DYNC2I2: variants seen among roughly 807,000 people sequenced by gnomAD.
DYNC2I2 encodes cytoplasmic dynein 2 intermediate chain 2.
In DYNC2I2, 39 loss-of-function variants were observed where a neutral mutation model predicts 52.0. The ratio of observed to expected loss-of-function variants is 0.75; its 90% confidence interval spans 0.58 to 0.98. The LOEUF (loss-of-function observed/expected upper bound fraction) is 0.98. Ranked by LOEUF, DYNC2I2 falls within the 50% of genes least tolerant of loss-of-function variation. The probability of loss-of-function intolerance (pLI) is 0.00; values close to 1 mark genes in which losing one functional copy is unlikely to be tolerated. For synonymous variants in DYNC2I2, 359 were observed against 321.1 expected (o/e 1.12, Z -1.26); for missense variants, 743 against 728.4 (o/e 1.02, Z -0.23).
chr9:128,646,213 T>G (rs927209269), intron 1 of DYNC2I2, among the ~76,000 whole-genome samples: 1 of 152,160 alleles, frequency 6.6e-6, no homozygotes, highest in Non-Finnish European at 1.5e-5. Flanking sequence ...TTTGTTGTTG[T>G]TTTTTTGTTT....
At position 128,640,012 on chromosome 9, in the gene DYNC2I2, C is replaced by CTTTTTT. The variant is rs71381781; in HGVS notation, c.435+673_435+678dup. On this transcript the variant is annotated intron_variant, in intron 2 of 8. Coordinates refer to ENST00000372715, the MANE Select transcript of DYNC2I2 (RefSeq NM_052844.4). Reference sequence around the variant, plus strand: ...TGAAGAAGATACCACAGGAGACATTCTTTTTTTTTTTTTGAGACAGAGTCT... The same window carrying CTTTTTT: ...TGAAGAAGATACCACAGGAGACATTCTTTTTTTTTTTTTTTTTTTGAGACAGAGTCT... 5.1e-3 allele frequency among the ~76,000 whole-genome samples: 603 copies of CTTTTTT among 118,868 alleles called. 66 individuals carry two copies. Among genetic ancestry groups the CTTTTTT allele is most frequent in the Middle Eastern group, 0.012 (2 of 166 alleles). The allele number at this position is 118,868 out of a possible 152,430, so 78.0% of individuals were successfully genotyped here.
At chr9:128,645,512 G>A (rs1860599002) in intron 1 of DYNC2I2, among the ~76,000 whole-genome samples, 2 of 150,282 alleles carry the variant, frequency 1.3e-5, no homozygotes, top group South Asian at 4.2e-4. Context: ...AACTACTTGG[G>A]AGGCTGAGGC....
upstream of DYNC2I2, among the ~76,000 whole-genome samples, chr9:128,659,802 G>A (rs200897606): frequency 4.0e-5 from 6 of 151,774 alleles, no homozygotes; most frequent in East Asian, 5.8e-4. Flanking sequence ...CAGCTACTCC[G>A]GAGGCTGAGG....
intron 1 of DYNC2I2, among the ~76,000 whole-genome samples, chr9:128,648,525 C>G (rs1047642511): frequency 1.3e-5 from 2 of 151,768 alleles, no homozygotes; most frequent in Non-Finnish European, 2.9e-5. Flanking sequence ...GTGGCTCAGG[C>G]CTGTAATCCT....
At chr9:128,683,862 A>G in the DYNC2I2 span, 1 of 1,519,536 alleles carries the variant, frequency 6.6e-7, no homozygotes, top group South Asian at 1.2e-5. Context: ...GGGCGAGGAG[A>G]CTCGTGGTCT....
chr9:128,674,196 C>T, the DYNC2I2 span, among the ~76,000 whole-genome samples: 15 of 151,714 alleles, frequency 9.9e-5, no homozygotes, highest in Admixed American at 3.3e-4. Flanking sequence ...AGTGCAGTGG[C>T]GTAATCTCGG....
At chr9:128,674,286 C>T in the DYNC2I2 span, among the ~76,000 whole-genome samples, 2 of 152,030 alleles carry the variant, frequency 1.3e-5, no homozygotes, top group Non-Finnish European at 2.9e-5. Flanking sequence ...AGGCGCCCGC[C>T]ACCACACCCG....
At chr9:128,653,416 A>C (rs1207492852) in intron 1 of DYNC2I2, among the ~76,000 whole-genome samples, 1 of 150,974 alleles carries the variant, frequency 6.6e-6, no homozygotes, top group African/African-American at 2.5e-5. Context: ...CGTCACTACT[A>C]AAAATAAAAA....
At chr9:128,659,150 C>T (rs1044064805), upstream of DYNC2I2, among the ~76,000 whole-genome samples, 1 of 151,942 alleles carries the variant, frequency 6.6e-6, no homozygotes, top group African/African-American at 2.4e-5. Context: ...ACCCCTCAGG[C>T]CTCAGTTTAC....
chr9:128,658,307 A>G (rs549671674), upstream of DYNC2I2, among the ~76,000 whole-genome samples: 1 of 151,916 alleles, frequency 6.6e-6, no homozygotes, highest in Admixed American at 6.6e-5. Context: ...CTGGGATTAC[A>G]GGCACATGCC....
At chr9:128,654,362 T>C (rs1860776693) in intron 1 of DYNC2I2, among the ~76,000 whole-genome samples, 1 of 152,178 alleles carries the variant, frequency 6.6e-6, no homozygotes, top group Admixed American at 6.6e-5. Flanking sequence ...CTGGGACGTG[T>C]GCAGCACCCA....
chr9:128,635,657 C>A lies in DYNC2I2; in HGVS notation c.813+1G>T. 1.2e-6 allele frequency: 2 copies of A among 1,603,960 alleles called. No homozygotes were observed. The highest frequency in any genetic ancestry group is 3.3e-4 in the Middle Eastern group (2 of 6,046). ...CCCCGCCCGGCAGCCCCTGCCCTGACCTGGGACACAGGGTCTGTGTGGGTG... is the reference window on the plus strand; with the variant it reads ...CCCCGCCCGGCAGCCCCTGCCCTGAACTGGGACACAGGGTCTGTGTGGGTG... On this transcript the variant is annotated splice_donor_variant, in intron 5 of 8. Transcript: ENST00000372715. LOFTEE classifies it high-confidence loss of function.
the DYNC2I2 span, among the ~76,000 whole-genome samples, chr9:128,668,791 G>A: frequency 1.3e-5 from 2 of 149,350 alleles, no homozygotes; most frequent in African/African-American, 4.9e-5. Context: ...CTGCACCCCT[G>A]GAAAACAGAG....
chr9:128,659,382 C>G (rs1426290511), upstream of DYNC2I2, among the ~76,000 whole-genome samples: 1 of 151,454 alleles, frequency 6.6e-6, no homozygotes, highest in Admixed American at 6.6e-5. Context: ...GTAGTCCCAA[C>G]TACTCGGGAG....
At chr9:128,678,637 T>G in the DYNC2I2 span, among the ~76,000 whole-genome samples, 2 of 151,434 alleles carry the variant, frequency 1.3e-5, no homozygotes, top group East Asian at 2.0e-4. Context: ...AATTTTTGTA[T>G]TTTTAGTAGA....
At chr9:128,640,109 G>A (rs561663570) in intron 2 of DYNC2I2, among the ~76,000 whole-genome samples, 6 of 151,352 alleles carry the variant, frequency 4.0e-5, no homozygotes, top group Non-Finnish European at 7.4e-5. Context: ...CCGGGCTCAC[G>A]CCATTCTCCT....
the DYNC2I2 span, among the ~76,000 whole-genome samples, chr9:128,677,624 C>T: frequency 6.6e-6 from 1 of 151,700 alleles, no homozygotes. Flanking sequence ...GTGGCGAAAC[C>T]CCGTCTCTAC....
At chr9:128,651,782 G>GC (rs1860718465) in intron 1 of DYNC2I2, among the ~76,000 whole-genome samples, 1 of 149,740 alleles carries the variant, frequency 6.7e-6, no homozygotes, top group Non-Finnish European at 1.5e-5. Flanking sequence ...GAGTATGGTG[G>GC]CAGGCGCCTG....
rs1005896901 is a variant in DYNC2I2, at chr9:128,636,376, C to T, written c.608G>A (p.Arg203Gln). Residue 203 changes from arginine to glutamine, a missense_variant, in exon 4 of 9, where the codon CGA (arginine) becomes CAA (glutamine). Coordinates refer to ENST00000372715, the MANE Select transcript of DYNC2I2 (RefSeq NM_052844.4). ...SFVCAWNLDR[R>Q]DLRPQQPSAV... Reference sequence around the variant, plus strand: ...CGACGGCTGCTGGGGACGCAGGTCTCGCCGGTCCAGGTTCCAGGCACACAC... The same window carrying T: ...CGACGGCTGCTGGGGACGCAGGTCTTGCCGGTCCAGGTTCCAGGCACACAC... 6.2e-7 allele frequency: 1 copy of T among 1,609,812 alleles called. No individual in the cohort carries two copies. Among genetic ancestry groups the T allele is most frequent in the African/African-American group, 1.3e-5 (1 of 74,980 alleles).
Sources: gnomAD v4.1 joint callset for allele counts (sites outside exome capture counted in the v4.1 genomes callset) on GRCh38, gnomAD v4.1.1 for gene constraint, MANE v1.5 for transcripts, NCBI Gene and HGNC (gene_info 2026-07-23, HGNC 2026-07-21) for gene names.